FAM193A: variants seen among roughly 807,000 people sequenced by gnomAD.
FAM193A encodes family with sequence similarity 193 member A, also known as protein FAM193A.
Under a neutral mutation model 126.5 loss-of-function variants are expected in FAM193A, and 22 were observed. That is an observed-to-expected ratio of 0.17 (90% CI 0.12 to 0.25). FAM193A has a LOEUF of 0.25. Among genes scored for constraint, FAM193A ranks in the 10% least tolerant of loss-of-function variants. The probability of loss-of-function intolerance (pLI) is 1.00; values close to 1 mark genes in which losing one functional copy is unlikely to be tolerated. For missense variants in FAM193A, 1,675 were observed against 1,672.8 expected (o/e 1.00, Z -0.02); for synonymous variants, 761 against 646.8 (o/e 1.18, Z -2.68).
intron 1 of FAM193A, among the ~76,000 whole-genome samples, chr4:2,583,628 AG>A (rs1740075320): frequency 6.6e-6 from 1 of 152,184 alleles, no homozygotes; most frequent in South Asian, 2.1e-4. Context: ...AAAGTAATGC[AG>A]GCTTTCCCAG....
intron 19 of FAM193A, among the ~76,000 whole-genome samples, chr4:2,701,873 T>C (rs1717773391): frequency 6.6e-6 from 1 of 150,534 alleles, no homozygotes; most frequent in Admixed American, 6.6e-5. Flanking sequence ...GCTTCCCGGG[T>C]TCAAGCGATT....
At chr4:2,625,202 A>G (rs947404777) in intron 2 of FAM193A, 60 bp from the exon 3 acceptor site, 1 of 625,252 alleles carries the variant, frequency 1.6e-6, no homozygotes, top group African/African-American at 1.8e-5. Context: ...CAGTTAATAA[A>G]AAATTGATGC....
chr4:2,573,329 A>G (rs1003270560), intron 1 of FAM193A, among the ~76,000 whole-genome samples: 1 of 152,056 alleles, frequency 6.6e-6, no homozygotes, highest in Non-Finnish European at 1.5e-5. Context: ...CCTGGCCACC[A>G]TGGTGAAACC....
At chr4:2,543,886 A>C (rs1353550840) in intron 1 of FAM193A, among the ~76,000 whole-genome samples, 5 of 151,234 alleles carry the variant, frequency 3.3e-5, no homozygotes, top group Non-Finnish European at 4.4e-5. Context: ...AAAAAAAAAA[A>C]AAAAAAAAAC....
chr4:2,693,281 G>A (rs1248096784), intron 15 of FAM193A, among the ~76,000 whole-genome samples: 10 of 151,918 alleles, frequency 6.6e-5, no homozygotes, highest in Admixed American at 3.3e-4. Flanking sequence ...GCCTCCCAAA[G>A]TGCTGGGATT....
At chr4:2,602,935 C>G (rs1353470744) in intron 2 of FAM193A, among the ~76,000 whole-genome samples, 2 of 130,042 alleles carry the variant, frequency 1.5e-5, no homozygotes, top group Non-Finnish European at 3.2e-5. Context: ...GCTGGGATTA[C>G]AAGTGTGAGC....
At chr4:2,635,887 T>C (rs969974933) in intron 5 of FAM193A, among the ~76,000 whole-genome samples, 3 of 152,218 alleles carry the variant, frequency 2.0e-5, no homozygotes, top group Non-Finnish European at 2.9e-5. Flanking sequence ...CAGATCTCTC[T>C]GTAAAAGCAG....
chr4:2,688,793 AG>A (rs1015060898), intron 13 of FAM193A, among the ~76,000 whole-genome samples: 1 of 152,278 alleles, frequency 6.6e-6, no homozygotes, highest in Non-Finnish European at 1.5e-5. Context: ...GTCAGCAGCC[AG>A]GGCCTGTTGC....
intron 1 of FAM193A, among the ~76,000 whole-genome samples, chr4:2,578,674 A>G (rs1327201501): frequency 6.6e-6 from 1 of 152,178 alleles, no homozygotes; most frequent in African/African-American, 2.4e-5. Flanking sequence ...CTAATAGCCT[A>G]CTGTTGACCA....
intron 20 of FAM193A, among the ~76,000 whole-genome samples, chr4:2,730,515 C>G (rs1721251100): frequency 6.6e-6 from 1 of 151,990 alleles, no homozygotes; most frequent in Non-Finnish European, 1.5e-5. Context: ...ATGGTGAAAC[C>G]CCATCTCTAC....
chr4:2,697,764 A>G (rs1717197113), intron 18 of FAM193A, among the ~76,000 whole-genome samples: 3 of 152,218 alleles, frequency 2.0e-5, no homozygotes, highest in Admixed American at 2.0e-4. Context: ...TTGGGGGAGA[A>G]GCCTTGTCCC....
At chr4:2,598,134 C>T (rs986532969) in intron 2 of FAM193A, among the ~76,000 whole-genome samples, 2 of 152,234 alleles carry the variant, frequency 1.3e-5, no homozygotes. Flanking sequence ...CGATCGTGAT[C>T]CGCCCGCCTC....
intron 19 of FAM193A, among the ~76,000 whole-genome samples, chr4:2,703,721 T>C (rs1039747427): frequency 8.0e-5 from 12 of 149,768 alleles, no homozygotes; most frequent in Admixed American, 4.0e-4. Flanking sequence ...CCCAACACTT[T>C]GGGAAGCTGA....
chr4:2,672,701 C>T lies in FAM193A; in HGVS notation c.2331+329C>T, dbSNP rs1017958135. On this transcript the variant is annotated intron_variant, in intron 13 of 20. Coordinates refer to ENST00000637812, the MANE Select transcript of FAM193A (RefSeq NM_001366318.2). Reference sequence around the variant, plus strand: ...AGGAGACCAGTAATCTACTTGTGATCTTCCAGGGCTTGCTCTTCTTCTTAA... The same window carrying T: ...AGGAGACCAGTAATCTACTTGTGATTTTCCAGGGCTTGCTCTTCTTCTTAA... 4.7e-4 allele frequency among the ~76,000 whole-genome samples: 72 copies of T among 152,234 alleles called. 1 individual carries two copies. Among genetic ancestry groups the T allele is most frequent in the Admixed American group, 2.6e-4 (4 of 15,274 alleles).
chr4:2,621,741 T>G (rs1742555803), intron 2 of FAM193A, among the ~76,000 whole-genome samples: 2 of 151,944 alleles, frequency 1.3e-5, no homozygotes, highest in African/African-American at 4.8e-5. Flanking sequence ...GTGCTTAGGA[T>G]TGAGGTGGAG....
At chr4:2,651,266 G>A (rs1419063647) in intron 7 of FAM193A, among the ~76,000 whole-genome samples, 3 of 152,126 alleles carry the variant, frequency 2.0e-5, no homozygotes, top group African/African-American at 7.2e-5. Context: ...GGAGGCAGAG[G>A]TTGGGGTGAG....
chr4:2,665,508 CTTCCTTTCTTCTTTTT>C (rs1291042090), intron 12 of FAM193A, among the ~76,000 whole-genome samples: 1 of 151,368 alleles, frequency 6.6e-6, no homozygotes, highest in Non-Finnish European at 1.5e-5. Context: ...TTTTTCTTTC[CTTCCTTTCTTCTTTTT>C]AAGAAACAGA....
intron 20 of FAM193A, among the ~76,000 whole-genome samples, chr4:2,729,604 G>A (rs9685601): frequency 1.1e-3 from 174 of 152,250 alleles, no homozygotes; most frequent in African/African-American, 4.0e-3. Flanking sequence ...TCTTTCGTCT[G>A]AGGAGGCAAT....
chr4:2,724,917 C>G (rs542338617), intron 20 of FAM193A, among the ~76,000 whole-genome samples: 1 of 152,194 alleles, frequency 6.6e-6, no homozygotes, highest in South Asian at 2.1e-4. Flanking sequence ...CTCTTGTCAC[C>G]CAGACTGGAG....
Sources: gnomAD v4.1 joint callset for allele counts (sites outside exome capture counted in the v4.1 genomes callset) on GRCh38, gnomAD v4.1.1 for gene constraint, MANE v1.5 for transcripts, NCBI Gene and HGNC (gene_info 2026-07-23, HGNC 2026-07-21) for gene names.